Variants in GALNT14 observed in about 807,000 individuals in gnomAD.
GALNT14 encodes polypeptide N-acetylgalactosaminyltransferase 14.
In GALNT14, 60 loss-of-function variants were observed where a neutral mutation model predicts 77.5. The observed-to-expected ratio is 0.77, with a 90% CI of 0.63 to 0.96. The LOEUF (loss-of-function observed/expected upper bound fraction) is 0.96, where lower values mean the gene tolerates loss of function less well. Ranked by LOEUF, GALNT14 falls within the 40% of genes least tolerant of loss-of-function variation. The pLI, the probability that GALNT14 is intolerant of heterozygous loss-of-function variation, is 0.00. For missense variants in GALNT14, 710 were observed against 731.0 expected, an observed-to-expected ratio of 0.97 and a Z score of 0.33; for synonymous variants, 280 against 281.7, an observed-to-expected ratio of 0.99 and a Z score of 0.06.
chr2:30,982,032 C>T (rs1050037072), intron 2 of GALNT14, among the ~76,000 whole-genome samples: 17 of 152,148 alleles, frequency 1.1e-4, no homozygotes, highest in Admixed American at 1.0e-3. Context: ...GCCCTCTGTG[C>T]CTGGTTCTTG....
chr2:30,997,176 A>T (rs1670088276), intron 1 of GALNT14, among the ~76,000 whole-genome samples: 2 of 152,116 alleles, frequency 1.3e-5, no homozygotes, highest in Admixed American at 6.5e-5. Flanking sequence ...AGAAACAACA[A>T]GAAGCATCTC....
intron 1 of GALNT14, among the ~76,000 whole-genome samples, chr2:31,033,117 C>A (rs1008276536): frequency 2.6e-5 from 4 of 152,142 alleles, no homozygotes; most frequent in African/African-American, 4.8e-5. Context: ...GAGTGGGCTG[C>A]TTCTCCCAAT....
intron 6 of GALNT14, among the ~76,000 whole-genome samples, chr2:30,947,161 C>T (rs749748533): frequency 6.6e-5 from 10 of 152,096 alleles, no homozygotes; most frequent in African/African-American, 9.7e-5. Flanking sequence ...CTCCTAAACC[C>T]GACCCCACTC....
intron 1 of GALNT14, among the ~76,000 whole-genome samples, chr2:31,053,245 G>T (rs1452933800): frequency 6.6e-6 from 1 of 152,138 alleles, no homozygotes; most frequent in African/African-American, 2.4e-5. Flanking sequence ...CATATCCACT[G>T]TCTGTACCCC....
At chr2:31,125,402 C>T in intron 1 of GALNT14, 1 of 645,008 alleles carries the variant, frequency 1.6e-6, no homozygotes, top group South Asian at 1.9e-5. Context: ...TTATTTCTTC[C>T]CTGAGAAAAC....
chr2:30,904,359 T>G, the GALNT14 span, among the ~76,000 whole-genome samples: 1 of 152,206 alleles, frequency 6.6e-6, no homozygotes, highest in South Asian at 2.1e-4. Flanking sequence ...GCGTGCACTG[T>G]GTGCGAGCCG....
chr2:30,968,525 A>G (rs1015042287), intron 2 of GALNT14, among the ~76,000 whole-genome samples: 1 of 152,186 alleles, frequency 6.6e-6, no homozygotes, highest in Non-Finnish European at 1.5e-5. Context: ...CTACGGAGAG[A>G]TGTCCAGGTG....
At chr2:30,993,808 GGCAGAGCTCAAA>G (rs971454952) in intron 1 of GALNT14, among the ~76,000 whole-genome samples, 1 of 152,154 alleles carries the variant, frequency 6.6e-6, no homozygotes, top group Non-Finnish European at 1.5e-5. Flanking sequence ...GGTGGGAAGG[GGCAGAGCTCAAA>G]GCAGAGCTCA....
chr2:31,094,869 C>A (rs1194079383), intron 1 of GALNT14, among the ~76,000 whole-genome samples: 1 of 152,158 alleles, frequency 6.6e-6, no homozygotes, highest in Non-Finnish European at 1.5e-5. Context: ...GGCAAGTCAT[C>A]TCCCTTCCCT....
chr2:30,912,045 A>G (rs545146152), intron 14 of GALNT14, among the ~76,000 whole-genome samples, 178 bp downstream of exon 14: 1 of 152,172 alleles, frequency 6.6e-6, no homozygotes, highest in African/African-American at 2.4e-5. Flanking sequence ...GGATGTTGCC[A>G]TTGCTGCTAG....
At chr2:30,932,709 C>G (rs756407176) in intron 9 of GALNT14, among the ~76,000 whole-genome samples, 1 of 152,158 alleles carries the variant, frequency 6.6e-6, no homozygotes, top group Non-Finnish European at 1.5e-5. Context: ...GAAAACTTCA[C>G]GGCAAGGATG....
chr2:31,047,072 C>A (rs924867671), intron 1 of GALNT14, among the ~76,000 whole-genome samples: 2 of 152,154 alleles, frequency 1.3e-5, no homozygotes, highest in African/African-American at 4.8e-5. Context: ...CAGCATAGAT[C>A]ACCTTCCCCA....
At chr2:31,125,368 C>A in intron 1 of GALNT14, 1 of 767,976 alleles carries the variant, frequency 1.3e-6, no homozygotes, top group South Asian at 1.6e-5. Context: ...TAGGAAAGAT[C>A]TGGATCCAGC....
At chr2:31,068,850 C>T (rs1355367592) in intron 1 of GALNT14, among the ~76,000 whole-genome samples, 4 of 152,220 alleles carry the variant, frequency 2.6e-5, no homozygotes, top group African/African-American at 9.7e-5. Flanking sequence ...CGTGCTACAG[C>T]ACAGATGAAC....
intron 1 of GALNT14, among the ~76,000 whole-genome samples, chr2:31,070,081 A>G (rs1257639945): frequency 6.6e-6 from 1 of 152,100 alleles, no homozygotes; most frequent in Non-Finnish European, 1.5e-5. Flanking sequence ...CTGGGAGAAA[A>G]GAGAAGAAGC....
intron 1 of GALNT14, among the ~76,000 whole-genome samples, chr2:31,025,761 C>A (rs1270677875): frequency 6.6e-6 from 1 of 152,190 alleles, no homozygotes; most frequent in Non-Finnish European, 1.5e-5. Flanking sequence ...GAGATTTAAA[C>A]AAAGTGGCTC....
intron 1 of GALNT14, among the ~76,000 whole-genome samples, chr2:31,000,010 T>TG (rs960013169): frequency 9.2e-5 from 14 of 152,202 alleles, no homozygotes; most frequent in African/African-American, 3.4e-4. Flanking sequence ...GACTCCTGTG[T>TG]GGTAAAGCCA....
chr2:30,913,617 G>A (rs1027166700), intron 13 of GALNT14, among the ~76,000 whole-genome samples: 1 of 152,126 alleles, frequency 6.6e-6, no homozygotes, highest in Non-Finnish European at 1.5e-5. Context: ...TCCTGAATAC[G>A]TCCACCTTGA....
chr2:31,068,895 C>T (rs568275093), intron 1 of GALNT14, among the ~76,000 whole-genome samples: 6 of 152,246 alleles, frequency 3.9e-5, no homozygotes, highest in South Asian at 2.1e-4. Flanking sequence ...AGAGGCCAGC[C>T]GCAAGAGGCC....
Sources: allele counts gnomAD v4.1 joint callset (sites outside exome capture counted in the v4.1 genomes callset), GRCh38; gene constraint gnomAD v4.1.1; transcripts MANE v1.5; gene names NCBI Gene and HGNC (gene_info 2026-07-23, HGNC 2026-07-21).